The following KIFC3 variants were observed in gnomAD, a reference collection of about 807,000 sequenced individuals.
KIFC3 encodes kinesin-like protein KIFC3.
A neutral mutation model predicts 101.8 loss-of-function variants in KIFC3; 60 were observed. That is an observed-to-expected ratio of 0.59 (90% CI 0.48 to 0.73). The LOEUF is 0.73. Ranked by LOEUF, KIFC3 falls within the 30% of genes least tolerant of loss-of-function variation. KIFC3 has a pLI of 0.00. For missense variants in KIFC3, 966 were observed against 1,137.1 expected (o/e 0.85, Z 2.16); for synonymous variants, 476 against 482.7 (o/e 0.99, Z 0.18).
rs782785523 is a variant in KIFC3 at position 57,771,218 on chromosome 16, C to A, written c.745G>T (p.Ala249Ser). The change falls in exon 6 of 20, where the codon GCC becomes TCC. Residue 249 changes from alanine to serine, a missense_variant. Transcript: ENST00000445690. ...CTCACCTTGACAGGTGGGGACTGGG[C>A]CCGCAGGCTGGCAATGGTCTCGTGG... Reference protein sequence around the residue: ...DSHETIASLRAQSPPVKYVIK... With the variant: ...DSHETIASLRSQSPPVKYVIK... 6 of 1,612,620 alleles carry A rather than the reference C, an allele frequency of 3.7e-6. No individual in the cohort carries two copies. The highest frequency in any genetic ancestry group is 3.4e-6 in the Non-Finnish European group (4 of 1,180,024).
intron 12 of KIFC3, among the ~76,000 whole-genome samples, chr16:57,763,075 T>C (rs2050054636): frequency 6.6e-6 from 1 of 152,068 alleles, no homozygotes; most frequent in Admixed American, 6.5e-5. Flanking sequence ...GCTTTATTTT[T>C]CTCCCTGGCC....
chr16:57,814,441 C>T (rs1338284907), intron 1 of KIFC3, among the ~76,000 whole-genome samples: 2 of 152,138 alleles, frequency 1.3e-5, no homozygotes, highest in African/African-American at 4.8e-5. Flanking sequence ...GTCTCTGAGC[C>T]TCAGTTTCCT....
intron 1 of KIFC3, among the ~76,000 whole-genome samples, chr16:57,839,596 C>G (rs2055762231): frequency 6.6e-6 from 1 of 151,714 alleles, no homozygotes; most frequent in African/African-American, 2.4e-5. Context: ...ACTGAAACAC[C>G]CCCTCAAAAA....
chr16:57,771,165 G>A (rs1555607794), intron 6 of KIFC3, 33 bp downstream of exon 6: 1 of 1,606,850 alleles, frequency 6.2e-7, no homozygotes, highest in Non-Finnish European at 8.5e-7. Context: ...GGGGCCTTGG[G>A]CTGAGGCACA....
intron 9 of KIFC3, 27 bp from the exon 10 acceptor site, chr16:57,767,012 G>C (rs782807834): frequency 6.3e-7 from 1 of 1,582,190 alleles, no homozygotes; most frequent in African/African-American, 1.3e-5. Context: ...ACCACTGTCA[G>C]GGGGACGGCT....
intron 1 of KIFC3, among the ~76,000 whole-genome samples, chr16:57,856,178 T>A (rs1166791549): frequency 6.9e-6 from 1 of 144,294 alleles, no homozygotes; most frequent in African/African-American, 2.7e-5. Context: ...AAATTTAAAT[T>A]TAAAAAAAAA....
At chr16:57,847,656 T>C (rs955996687) in intron 1 of KIFC3, among the ~76,000 whole-genome samples, 4 of 151,962 alleles carry the variant, frequency 2.6e-5, no homozygotes, top group Non-Finnish European at 4.4e-5. Flanking sequence ...TGAAAGAGAT[T>C]TGCAGATGAT....
chr16:57,765,766 A>C (rs1344889443), intron 10 of KIFC3, 126 bp from the exon 11 acceptor site: 2 of 783,360 alleles, frequency 2.6e-6, no homozygotes, highest in Admixed American at 5.8e-5. Flanking sequence ...ACAGCCCCCT[A>C]GGGGAAGGGG....
At chr16:57,775,102 G>A in intron 3 of KIFC3, 1 of 1,487,846 alleles carries the variant, frequency 6.7e-7, no homozygotes, top group Admixed American at 2.2e-5. Context: ...CTGCGGCCCA[G>A]GGTTCTGTTC....
At chr16:57,857,822 C>CTTTTTTTTTTTTTTTTTTT (rs57102595) in intron 1 of KIFC3, among the ~76,000 whole-genome samples, 1 of 92,786 alleles carries the variant, frequency 1.1e-5, no homozygotes, top group Admixed American at 1.4e-4. Context: ...TTCTTTCTTT[C>CTTTTTTTTTTTTTTTTTTT]TTTTTTTTTT....
chr16:57,795,877 C>CTTTTTTT (rs1568047538), intron 2 of KIFC3, among the ~76,000 whole-genome samples: 7 of 81,150 alleles, frequency 8.6e-5, no homozygotes, highest in East Asian at 3.1e-4. Flanking sequence ...TTTTTTTGGG[C>CTTTTTTT]TTTTTTGTTT....
chr16:57,846,243 C>G (rs530903402), intron 1 of KIFC3: 2 of 152,434 alleles, frequency 1.3e-5, no homozygotes, highest in East Asian at 3.9e-4. Context: ...GGACCACACC[C>G]CTGGGTCCTT....
chr16:57,788,546 T>A lies in KIFC3; in HGVS notation c.315+6453A>T, dbSNP rs571350877. The A allele has an allele frequency of 1.7e-5, 22 of 1,277,034 alleles. No homozygotes were observed. In the South Asian group the frequency reaches 2.8e-4, roughly 16 times the overall value. 79.1% of individuals were successfully genotyped at this position (1,277,034 alleles called of 1,614,324 possible). ...CTCCTGCGCTGGCTTCACTGGGGAG[T>A]GCCGGTTTGGCGGGCAGGCCTGCTT... On this transcript the variant is annotated intron_variant, in intron 3 of 19. Coordinates refer to ENST00000445690, the MANE Select transcript of KIFC3 (RefSeq NM_001130100.2).
upstream of KIFC3, chr16:57,802,916 AG>A: frequency 4.1e-6 from 6 of 1,456,648 alleles, no homozygotes; most frequent in Non-Finnish European, 5.6e-6. This position sits in a 1 kb window ranked among gnomAD's most constrained non-coding sequence, Gnocchi z 5.0. Flanking sequence ...CTCTCATACC[AG>A]TACGTGTCTT....
At chr16:57,859,838 A>G (rs955070417) in intron 1 of KIFC3, among the ~76,000 whole-genome samples, 7 of 151,792 alleles carry the variant, frequency 4.6e-5, no homozygotes, top group Non-Finnish European at 2.9e-5. Flanking sequence ...CCTGGCCAAC[A>G]TGGTGAAACC....
Position 57,760,428 on chromosome 16 carries a change from G to A in KIFC3, c.2233-12C>T, listed in dbSNP as rs548370749. 29 of 1,610,830 alleles carry A rather than the reference G, an allele frequency of 1.8e-5. No homozygotes were observed. The highest frequency in any genetic ancestry group is 8.0e-5 in the African/African-American group (6 of 75,036). On this transcript the variant is annotated splice_polypyrimidine_tract_variant and intron_variant, in intron 16 of 19. Coordinates refer to ENST00000445690, the MANE Select transcript of KIFC3 (RefSeq NM_001130100.2). The stretch of plus-strand genomic sequence containing the variant: ...TCCACGGGGGACACCTAGGGGACAC[G>A]AGAGCTCACTGCCCACCCGGGCCAG...
chr16:57,758,468 C>G lies in KIFC3; in HGVS notation c.*466G>C. The G allele has an allele frequency of 2.5e-6, 1 of 400,306 alleles. No homozygotes were observed. The highest frequency in any genetic ancestry group is 2.0e-5 in the South Asian group (1 of 49,064). 24.8% of individuals were successfully genotyped at this position (400,306 alleles called of 1,614,324 possible). Reference sequence around the variant, plus strand: ...CCTTGAAGGAGAGGGGCGGGGAGGGCTGCCATTGGTGCCACCAACCCACCC... The same window carrying G: ...CCTTGAAGGAGAGGGGCGGGGAGGGGTGCCATTGGTGCCACCAACCCACCC... On this transcript the variant is annotated 3_prime_UTR_variant, in exon 20 of 20. Coordinates refer to ENST00000445690, the MANE Select transcript of KIFC3 (RefSeq NM_001130100.2).
At chr16:57,848,908 T>A (rs994925377) in intron 1 of KIFC3, among the ~76,000 whole-genome samples, 3 of 152,240 alleles carry the variant, frequency 2.0e-5, no homozygotes, top group Non-Finnish European at 4.4e-5. Context: ...AATATTCACA[T>A]AAAATTAAGC....
chr16:57,839,709 G>A (rs1166596093), intron 1 of KIFC3, among the ~76,000 whole-genome samples: 2 of 151,888 alleles, frequency 1.3e-5, no homozygotes, highest in Non-Finnish European at 2.9e-5. Context: ...GAAAATGCAG[G>A]CATTTTGGCT....
Sources: allele counts gnomAD v4.1 joint callset (sites outside exome capture counted in the v4.1 genomes callset), GRCh38; gene constraint gnomAD v4.1.1; non-coding constraint Gnocchi (gnomAD v3.1); transcripts MANE v1.5; gene names NCBI Gene and HGNC (gene_info 2026-07-23, HGNC 2026-07-21).